NBDY: variants seen among roughly 807,000 people sequenced by gnomAD.
NBDY encodes P-body dissociating protein.
At chrX:56,800,191 A>G (rs1410047765) in intron 2 of NBDY, among the ~76,000 whole-genome samples, 1 of 111,248 alleles carries the variant, frequency 9.0e-6, no homozygotes, top group Admixed American at 9.5e-5. Flanking sequence ...CCTCATTTGT[A>G]ATATTTAACT....
At chrX:56,784,808 CA>C (rs1168611645) in intron 2 of NBDY, among the ~76,000 whole-genome samples, 1 of 111,817 alleles carries the variant, frequency 8.9e-6, no homozygotes, top group East Asian at 2.8e-4. Context: ...TTAGGGTTTC[CA>C]GGCAGACGTA....
chrX:56,743,069 A>G (rs990461641), intron 2 of NBDY, among the ~76,000 whole-genome samples: 1 of 111,507 alleles, frequency 9.0e-6, no homozygotes, highest in Non-Finnish European at 1.9e-5. Flanking sequence ...TTCAGCATCA[A>G]GTGAAATGAC....
chrX:56,748,766 G>A (rs181202330), intron 2 of NBDY, among the ~76,000 whole-genome samples: 54 of 101,428 alleles, frequency 5.3e-4, no homozygotes, highest in African/African-American at 1.7e-3. Flanking sequence ...TAGCATTAAC[G>A]GTTTCCGTGT....
At chrX:56,763,668 C>A (rs942984310) in intron 2 of NBDY, among the ~76,000 whole-genome samples, 6 of 112,234 alleles carry the variant, frequency 5.3e-5, no homozygotes, top group Admixed American at 1.9e-4. Context: ...AGCCATGAAA[C>A]CTGCAGAGAG....
chrX:56,752,166 C>T (rs1225280908), intron 2 of NBDY, among the ~76,000 whole-genome samples: 3 of 112,126 alleles, frequency 2.7e-5, no homozygotes, highest in Admixed American at 9.4e-5. Context: ...AGTGAACATA[C>T]GAGTGCTTGT....
intron 2 of NBDY, among the ~76,000 whole-genome samples, chrX:56,754,297 A>T (rs1176667952): frequency 8.9e-6 from 1 of 111,814 alleles, no homozygotes; most frequent in African/African-American, 3.3e-5. Flanking sequence ...AAGATCAATA[A>T]AGCGATAGTG....
Position 56,732,213 on chromosome X carries a change from C to A in NBDY, c.*166+14C>A. 1 of 292,260 alleles carries A rather than the reference C, an allele frequency of 3.4e-6. No homozygotes were observed. The highest frequency in any genetic ancestry group is 2.1e-4 in the South Asian group (1 of 4,828). The allele number at this position is 292,260 out of a possible 1,213,427, so 24.1% of individuals were successfully genotyped here. A position where few individuals can be genotyped will look rare whatever the true frequency, so the allele number is the denominator to read the frequency against. ...GTGCTTTTTAAGGTAATCTCTTTACCAAAAATTATTAAGAGGAGGAAGAGA... is the reference window on the plus strand; with the variant it reads ...GTGCTTTTTAAGGTAATCTCTTTACAAAAAATTATTAAGAGGAGGAAGAGA... On this transcript the variant is annotated intron_variant, in intron 2 of 2. Transcript: ENST00000374922.
At chrX:56,756,595 A>G (rs1010893556) in intron 2 of NBDY, among the ~76,000 whole-genome samples, 1 of 112,121 alleles carries the variant, frequency 8.9e-6, no homozygotes, top group Non-Finnish European at 1.9e-5. Context: ...AAAGAATAAC[A>G]TATTAGCGAA....
At chrX:56,762,711 C>T (rs1175482971) in intron 2 of NBDY, among the ~76,000 whole-genome samples, 3 of 111,256 alleles carry the variant, frequency 2.7e-5, no homozygotes, top group African/African-American at 6.5e-5. Context: ...CATGTGAACA[C>T]AACTATCCGG....
chrX:56,804,023 T>A (rs2069837180), intron 2 of NBDY, among the ~76,000 whole-genome samples: 2 of 109,252 alleles, frequency 1.8e-5, no homozygotes, highest in African/African-American at 3.3e-5. Flanking sequence ...CCCTTGGGGC[T>A]GTGGCATGGT....
intron 2 of NBDY, among the ~76,000 whole-genome samples, chrX:56,756,919 C>G (rs983799741): frequency 6.3e-5 from 7 of 110,730 alleles, no homozygotes; most frequent in Non-Finnish European, 1.1e-4. Context: ...TGCGCCACTC[C>G]ACTCCACCAT....
At chrX:56,737,656 A>G in intron 2 of NBDY, 1 of 302,845 alleles carries the variant, frequency 3.3e-6, no homozygotes. Context: ...TCCCAACAGA[A>G]TTTGGCAATA....
chrX:56,759,175 C>T (rs1220283789), intron 2 of NBDY, among the ~76,000 whole-genome samples: 2 of 112,376 alleles, frequency 1.8e-5, no homozygotes, highest in Non-Finnish European at 1.9e-5. Context: ...CAACCAGGAG[C>T]TCCAGGTTTA....
At chrX:56,789,287 G>C (rs963753927) in intron 2 of NBDY, among the ~76,000 whole-genome samples, 1 of 111,969 alleles carries the variant, frequency 8.9e-6, no homozygotes, top group African/African-American at 3.3e-5. Flanking sequence ...CTCTGGGCAG[G>C]GTACCCAGTG....
chrX:56,816,368 T>C (rs1569294199), intron 2 of NBDY, among the ~76,000 whole-genome samples: 1 of 111,729 alleles, frequency 9.0e-6, no homozygotes, highest in Non-Finnish European at 1.9e-5. Flanking sequence ...TTCTAAAGTA[T>C]TTTATCTCTA....
chrX:56,787,072 A>T (rs993875544), intron 2 of NBDY, among the ~76,000 whole-genome samples: 1 of 110,923 alleles, frequency 9.0e-6, no homozygotes, highest in South Asian at 3.8e-4. Context: ...CCTTTTTTCC[A>T]GTCCAGCCAT....
chrX:56,793,942 G>GC (rs894678521), intron 2 of NBDY, among the ~76,000 whole-genome samples: 25 of 111,949 alleles, frequency 2.2e-4, no homozygotes, highest in African/African-American at 7.5e-4. Context: ...TCCCCCTGTG[G>GC]CCCCCCAAGG....
chrX:56,788,615 CTT>C (rs372313716), intron 2 of NBDY, among the ~76,000 whole-genome samples: 37 of 104,176 alleles, frequency 3.6e-4, no homozygotes, highest in South Asian at 2.0e-3. Flanking sequence ...CCCGTAGCTC[CTT>C]TTTTTTTTTT....
In NBDY at chrX:56,764,718, A is replaced by G. The variant is rs1240032043; in HGVS notation, c.*166+32519A>G. The stretch of plus-strand genomic sequence containing the variant: ...AACAAACACCAAAAAAAAAAAAAAA[A>G]AAAAGAAACTGGCCTAGGAGCACCC... On this transcript the variant is annotated intron_variant, in intron 2 of 2. Transcript: ENST00000374922. Among the ~76,000 whole-genome samples the G allele has an allele frequency of 1.9e-3, 204 of 108,499 alleles. 1 individual carries two copies. The highest frequency in any genetic ancestry group is 6.6e-3 in the African/African-American group (198 of 30,094). 94.2% of individuals were successfully genotyped at this position (108,499 alleles called of 115,157 possible).
Sources: allele counts gnomAD v4.1 joint callset (sites outside exome capture counted in the v4.1 genomes callset), GRCh38; gene constraint gnomAD v4.1.1; transcripts MANE v1.5; gene names NCBI Gene and HGNC (gene_info 2026-07-23, HGNC 2026-07-21).